TRPC3: variants seen among roughly 807,000 people sequenced by gnomAD.
TRPC3 encodes short transient receptor potential channel 3.
A neutral mutation model predicts 90.9 loss-of-function variants in TRPC3; 54 were observed. The observed-to-expected ratio is 0.59, with a 90% CI of 0.48 to 0.75. TRPC3 has a LOEUF of 0.75. TRPC3 is among the 30% of genes least tolerant of loss of function. The pLI is 0.00. For missense variants in TRPC3, 918 were observed against 1,194.5 expected (o/e 0.77, Z 3.41); for synonymous variants, 424 against 450.9 (o/e 0.94, Z 0.75).
At chr4:121,940,635 A>G (rs1278953967) in intron 1 of TRPC3, among the ~76,000 whole-genome samples, 1 of 152,240 alleles carries the variant, frequency 6.6e-6, no homozygotes, top group East Asian at 1.9e-4. Context: ...TCACAGGGCA[A>G]TGCCGATATG....
chr4:121,908,895 A>T (rs1728985043), intron 6 of TRPC3, among the ~76,000 whole-genome samples: 1 of 152,080 alleles, frequency 6.6e-6, no homozygotes, highest in Non-Finnish European at 1.5e-5. Flanking sequence ...ACATTTCTTG[A>T]CTATTTAATA....
At position 121,932,854 on chromosome 4, in the gene TRPC3, G is replaced by A. The variant is rs200343434; in HGVS notation, c.404C>T (p.Ser135Phe). 5 of 1,612,948 alleles carry A rather than the reference G, an allele frequency of 3.1e-6. No individual in the cohort carries two copies. In the Admixed American group the frequency reaches 8.3e-5, roughly 27 times the overall value. Residue 135 changes from serine (S) to phenylalanine (F), a missense_variant, in exon 2 of 12, where the codon TCC becomes TTC. Around this residue, in one of 4 missense-constraint regions of TRPC3, gnomAD observed 609 missense variants for 725.9 expected, o/e 0.84. Transcript: ENST00000379645. This position sits in a 1 kb window ranked among gnomAD's most constrained non-coding sequence, Gnocchi z 7.7. ...IPVVRKMLEESKTLNVNCVDY... is the reference protein window; with the variant it reads ...IPVVRKMLEEFKTLNVNCVDY... ...CACGCAGTTGACGTTCAGCGTCTTG[G>A]ACTCCTCCAGCATCTTGCGCACCAC... is the stretch of plus-strand genomic sequence containing the variant.
chr4:121,893,120 CAA>C (rs70950857), intron 10 of TRPC3, among the ~76,000 whole-genome samples: 11 of 105,580 alleles, frequency 1.0e-4, no homozygotes, highest in Admixed American at 9.9e-5. Context: ...GACTCTGTCA[CAA>C]AAAAAAAAAA....
intron 1 of TRPC3, among the ~76,000 whole-genome samples, chr4:121,946,667 G>C (rs1282606695): frequency 6.6e-6 from 1 of 152,156 alleles, no homozygotes; most frequent in East Asian, 1.9e-4. Context: ...AAAGATAGCA[G>C]TATATGAAAG....
chr4:121,930,829 C>CT (rs1553941775), intron 2 of TRPC3: 3 of 119,940 alleles, frequency 2.5e-5, no homozygotes, highest in Non-Finnish European at 3.1e-5. Context: ...GCTCTGAGAT[C>CT]TAAAAAAAAA....
At chr4:121,904,191 G>C in intron 8 of TRPC3, 131 bp downstream of exon 8, 1 of 722,062 alleles carries the variant, frequency 1.4e-6, no homozygotes, top group South Asian at 2.5e-5. Context: ...CACAGGGAAA[G>C]GCTCAGGCTC....
intron 9 of TRPC3, 111 bp downstream of exon 9, chr4:121,902,741 C>G (rs1349161571): frequency 2.1e-5 from 17 of 814,758 alleles, no homozygotes; most frequent in African/African-American, 3.5e-5. Context: ...TAGACAGTTA[C>G]TTTTAACATC....
At chr4:121,909,340 C>T (rs1310214872) in intron 6 of TRPC3, among the ~76,000 whole-genome samples, 1 of 152,084 alleles carries the variant, frequency 6.6e-6, no homozygotes, top group African/African-American at 2.4e-5. Context: ...TCTTCACAAC[C>T]AGATCACAGT....
At chr4:121,919,004 T>C (rs576806405) in intron 3 of TRPC3, among the ~76,000 whole-genome samples, 2 of 152,364 alleles carry the variant, frequency 1.3e-5, no homozygotes, top group South Asian at 2.1e-4. Context: ...TGCTGTTTCC[T>C]AACTTCAGTG....
intron 10 of TRPC3, among the ~76,000 whole-genome samples, chr4:121,894,551 T>G: frequency 7.7e-6 from 1 of 129,634 alleles, no homozygotes. Context: ...AAAGTACACA[T>G]TCTGTTTTTT....
rs551667728 is a variant in TRPC3 at position 121,880,650 on chromosome 4, A to G, written c.2624-772T>C. Among the ~76,000 whole-genome samples the G allele has an allele frequency of 1.9e-4, 29 of 152,314 alleles. 1 individual carries two copies. The South Asian group carries it at 5.0e-3, about 26-fold the overall frequency. On this transcript the variant is annotated intron_variant, in intron 11 of 11. Coordinates refer to ENST00000379645, the MANE Select transcript of TRPC3 (RefSeq NM_001130698.2). Reference sequence around the variant, plus strand: ...AGGAGAGGCAGTATTTGGTTAAAAAAGAAAAGAAAAGAAACACTGGATTCT... The same window carrying G: ...AGGAGAGGCAGTATTTGGTTAAAAAGGAAAAGAAAAGAAACACTGGATTCT...
At chr4:121,910,706 G>T (rs1006907122) in intron 5 of TRPC3, among the ~76,000 whole-genome samples, 2 of 152,128 alleles carry the variant, frequency 1.3e-5, no homozygotes, top group African/African-American at 4.8e-5. Flanking sequence ...AGGAAATAAG[G>T]AGAGAAGGCT....
At chr4:121,907,179 T>C (rs1728909229) in intron 7 of TRPC3, 124 bp downstream of exon 7, 1 of 946,864 alleles carries the variant, frequency 1.1e-6, no homozygotes, top group African/African-American at 1.7e-5. Context: ...CTAACTGTTT[T>C]TGATGGATTA....
rs1274448404 is a variant in TRPC3 at position 121,925,013 on chromosome 4, C to G, written c.1176+5G>C. 4 of 1,608,648 alleles carry G rather than the reference C, an allele frequency of 2.5e-6. No homozygotes were observed. The highest frequency in any genetic ancestry group is 3.4e-6 in the Non-Finnish European group (4 of 1,177,346). ...ATGGCACTAGATGAAAGTAGGCCCA[C>G]TCACCTTTTTGACTTCATACTTAAT... On this transcript the variant is annotated splice_donor_5th_base_variant and intron_variant, in intron 3 of 11. Transcript: ENST00000379645.
intron 2 of TRPC3, among the ~76,000 whole-genome samples, chr4:121,925,458 A>G (rs1361472732): frequency 6.6e-6 from 1 of 152,006 alleles, no homozygotes; most frequent in Non-Finnish European, 1.5e-5. Flanking sequence ...AATCTCACTT[A>G]TATGTGGAAT....
rs1227163119 is a variant in TRPC3 at position 121,922,820 on chromosome 4, T to C, written c.1176+2198A>G. Reference sequence around the variant, plus strand: ...CTATCCTTTTCCCTCAATATATTAATAACAAAACCTCAACTAGCAAGAATG... The same window carrying C: ...CTATCCTTTTCCCTCAATATATTAACAACAAAACCTCAACTAGCAAGAATG... On this transcript the variant is annotated intron_variant, in intron 3 of 11. Transcript: ENST00000379645. Among the ~76,000 whole-genome samples the C allele has an allele frequency of 2.0e-5, 3 of 152,332 alleles. No individual in the cohort carries two copies. In the East Asian group the frequency reaches 5.8e-4, roughly 29 times the overall value.
chr4:121,934,393 T>C (rs1237796412), intron 1 of TRPC3, among the ~76,000 whole-genome samples: 1 of 152,232 alleles, frequency 6.6e-6, no homozygotes, highest in Non-Finnish European at 1.5e-5. Context: ...ACAAATATTG[T>C]ATAAATCTGT....
chr4:121,878,893 T>C lies in TRPC3; in HGVS notation c.*843A>G, dbSNP rs1032562223. On this transcript the variant is annotated 3_prime_UTR_variant, in exon 12 of 12. Coordinates refer to ENST00000379645, the MANE Select transcript of TRPC3 (RefSeq NM_001130698.2). The stretch of plus-strand genomic sequence containing the variant: ...TATGAAGTCAGCTGTTGATATCTCA[T>C]TTAGCATTAAAGCAGCAGAGGCAGA... 2 of 152,072 alleles carry C rather than the reference T, an allele frequency of 1.3e-5. No homozygotes were observed. The highest frequency in any genetic ancestry group is 4.8e-5 in the African/African-American group (2 of 41,390). 9.4% of individuals were successfully genotyped at this position (152,072 alleles called of 1,614,324 possible).
intron 9 of TRPC3, among the ~76,000 whole-genome samples, chr4:121,901,650 A>G (rs1728702402): frequency 1.3e-5 from 2 of 152,234 alleles, no homozygotes; most frequent in South Asian, 4.1e-4. Flanking sequence ...GGAATTTTGT[A>G]GATCTCATGT....
Sources: gnomAD v4.1 joint callset for allele counts (sites outside exome capture counted in the v4.1 genomes callset) on GRCh38, gnomAD v4.1.1 for gene constraint, gnomAD v4.1.1 regional missense constraint, Gnocchi (gnomAD v3.1) non-coding constraint, MANE v1.5 for transcripts, NCBI Gene and HGNC (gene_info 2026-07-23, HGNC 2026-07-21) for gene names.